KCTD2: variants seen among roughly 807,000 people sequenced by gnomAD.
The protein encoded by KCTD2 is BTB/POZ domain-containing protein KCTD2.
In KCTD2, 18 loss-of-function variants were observed where a neutral mutation model predicts 27.9. That is an observed-to-expected ratio of 0.64 (90% CI 0.45 to 0.96). KCTD2 has a LOEUF of 0.96. Among genes scored for constraint, KCTD2 ranks in the 40% least tolerant of loss-of-function variants. The pLI is 0.00. For missense variants in KCTD2, 280 were observed against 348.0 expected (o/e 0.80, Z 1.56); for synonymous variants, 175 against 148.4 (o/e 1.18, Z -1.30).
chr17:75,051,194 C>T (rs2073281335), intron 2 of KCTD2, among the ~76,000 whole-genome samples: 1 of 150,474 alleles, frequency 6.6e-6, no homozygotes, highest in African/African-American at 2.4e-5. Context: ...AGGATGGTCT[C>T]ATCTCGATCT....
At position 75,063,363 on chromosome 17, in the gene KCTD2, G is replaced by A; in HGVS notation, c.*316G>A. ...AGCCTTTCGGGGATCTGGGGGATGA[G>A]GGCGGAAGGCCTAGCTCCTTGGAAA... On this transcript the variant is annotated 3_prime_UTR_variant, in exon 6 of 6. Transcript: ENST00000322444. 1 of 405,690 alleles carries A rather than the reference G, an allele frequency of 2.5e-6. No homozygotes were observed. The highest frequency in any genetic ancestry group is 4.7e-5 in the East Asian group (1 of 21,118). The allele number at this position is 405,690 out of a possible 1,614,324, so 25.1% of individuals were successfully genotyped here. A position where few individuals can be genotyped will look rare whatever the true frequency, so the allele number is the denominator to read the frequency against.
intron 2 of KCTD2, among the ~76,000 whole-genome samples, chr17:75,034,725 A>G (rs376526597): frequency 6.6e-6 from 1 of 152,056 alleles, no homozygotes; most frequent in Non-Finnish European, 1.5e-5. Context: ...CCCGAGAAGA[A>G]GTGCTCGGCG....
At chr17:75,034,550 T>C (rs1205450503) in intron 2 of KCTD2, among the ~76,000 whole-genome samples, 2 of 152,076 alleles carry the variant, frequency 1.3e-5, no homozygotes, top group African/African-American at 2.4e-5. Context: ...TGTTCAACCA[T>C]AGTGCCCAAA....
chr17:75,049,815 G>A (rs915648298), intron 2 of KCTD2, among the ~76,000 whole-genome samples: 1 of 152,200 alleles, frequency 6.6e-6, no homozygotes, highest in Non-Finnish European at 1.5e-5. Flanking sequence ...TCATTCTCTA[G>A]TTCATTGTCA....
In KCTD2 at chr17:75,047,490, C is replaced by G. The variant is rs780075309; in HGVS notation, c.240C>G (p.Gly80=). The part of the protein sequence containing the change: ...AARWVRLNVG[G]TYFVTTRQTL... ...GCTGGGTCAGGCTGAACGTGGGAGG[C>G]ACCTACTTCGTGACCACCAGACAGA... Residue 80 remains glycine (G), a synonymous_variant, in exon 1 of 6, where the codon GGC becomes GGG. Transcript: ENST00000322444. 6.2e-7 allele frequency: 1 copy of G among 1,602,114 alleles called. No individual in the cohort carries two copies. The highest frequency in any genetic ancestry group is 1.8e-4 in the Middle Eastern group (1 of 5,626).
chr17:75,042,424 A>T, upstream of KCTD2: 1 of 1,523,612 alleles, frequency 6.6e-7, no homozygotes, highest in Non-Finnish European at 8.9e-7. Context: ...GGATTTCTTT[A>T]TATGTTGTCA....
chr17:75,051,406 T>C (rs1436763043), intron 2 of KCTD2, among the ~76,000 whole-genome samples: 2 of 147,116 alleles, frequency 1.4e-5, no homozygotes, highest in Non-Finnish European at 3.0e-5. Context: ...TGCCTCAGCC[T>C]CCTGAGTACC....
At chr17:75,035,175 C>T (rs1352381435) in intron 2 of KCTD2, 2 of 152,086 alleles carry the variant, frequency 1.3e-5, no homozygotes, top group African/African-American at 4.8e-5. Flanking sequence ...GTTCGAGTCC[C>T]TTCGTGGTCG....
intron 4 of KCTD2, among the ~76,000 whole-genome samples, chr17:75,061,398 A>G (rs1017396621): frequency 1.3e-5 from 2 of 152,182 alleles, no homozygotes; most frequent in Non-Finnish European, 2.9e-5. Context: ...TAATCTCGGC[A>G]CTTTGGGAGG....
At chr17:75,035,832 AAAACAAACAAAC>A (rs574227442) in intron 3 of KCTD2, among the ~76,000 whole-genome samples, 5 of 151,940 alleles carry the variant, frequency 3.3e-5, no homozygotes, top group Non-Finnish European at 7.4e-5. Context: ...AAGCCGTCTC[AAAACAAACAAAC>A]AAACAAACAA....
At chr17:75,054,826 AG>A (rs1227909809) in intron 3 of KCTD2, among the ~76,000 whole-genome samples, 1 of 151,812 alleles carries the variant, frequency 6.6e-6, no homozygotes, top group Non-Finnish European at 1.5e-5. Flanking sequence ...AAAAAAAAGA[AG>A]CTTGAAGTAT....
chr17:75,053,119 A>G lies in KCTD2; in HGVS notation c.540+14A>G. On this transcript the variant is annotated intron_variant, in intron 3 of 5. Transcript: ENST00000322444. ...AGAACTTCACAAGTAATGTATTTGGAACTGTTAAGGAGGGTTGTTTCAAGT... is the reference window on the plus strand; with the variant it reads ...AGAACTTCACAAGTAATGTATTTGGGACTGTTAAGGAGGGTTGTTTCAAGT... 1 of 1,599,428 alleles carries G rather than the reference A, an allele frequency of 6.3e-7. No homozygotes were observed. The highest frequency in any genetic ancestry group is 8.6e-7 in the Non-Finnish European group (1 of 1,166,812).
At chr17:75,044,543 C>T (rs919252982), upstream of KCTD2, among the ~76,000 whole-genome samples, 85 of 149,820 alleles carry the variant, frequency 5.7e-4, no homozygotes, top group African/African-American at 1.9e-3. Flanking sequence ...GGTTTCTCCA[C>T]GTTGGCCAGG....
intron 2 of KCTD2, 50 bp downstream of exon 2, chr17:75,049,378 T>C (rs1390494375): frequency 5.2e-6 from 6 of 1,163,310 alleles, no homozygotes; most frequent in Admixed American, 1.8e-5. Flanking sequence ...GTAGAATCTT[T>C]AAAGTTGTTT....
Position 75,064,870 on chromosome 17 carries a change from C to T in KCTD2, c.*1823C>T, listed in dbSNP as rs574892366. On this transcript the variant is annotated 3_prime_UTR_variant, in exon 6 of 6. Coordinates refer to ENST00000322444, the MANE Select transcript of KCTD2 (RefSeq NM_015353.3). ...AGGATGGAGGACTTTGGAAGAGGCG[C>T]TCCTTGGCCAGGTCCAATGAGTAAC... The T allele has an allele frequency of 1.3e-4, 20 of 152,330 alleles. No individual in the cohort carries two copies. Among genetic ancestry groups the T allele is most frequent in the Admixed American group, 7.8e-4 (12 of 15,290 alleles). 9.4% of individuals were successfully genotyped at this position (152,330 alleles called of 1,614,324 possible). A position where few individuals can be genotyped will look rare whatever the true frequency, so the allele number is the denominator to read the frequency against.
chr17:75,036,348 C>T (rs986131349), intron 3 of KCTD2, among the ~76,000 whole-genome samples: 2 of 152,010 alleles, frequency 1.3e-5, no homozygotes, highest in African/African-American at 4.8e-5. Flanking sequence ...GTCTCAATTT[C>T]CTGACCTAGT....
At chr17:75,047,103 C>G (rs534668825), upstream of KCTD2, 31 of 276,236 alleles carry the variant, frequency 1.1e-4, no homozygotes, top group East Asian at 1.7e-3. Flanking sequence ...GCGCCTCCCC[C>G]GCGCGGGTCC....
At chr17:75,054,809 C>CA (rs200278221) in intron 3 of KCTD2, among the ~76,000 whole-genome samples, 187 of 106,174 alleles carry the variant, frequency 1.8e-3, no homozygotes, top group Middle Eastern at 6.3e-3. Context: ...GACTCCATCT[C>CA]AAAAAAAAAA....
At chr17:75,035,762 G>C (rs959728814) in intron 3 of KCTD2, among the ~76,000 whole-genome samples, 2 of 152,162 alleles carry the variant, frequency 1.3e-5, no homozygotes, top group African/African-American at 4.8e-5. Context: ...GAATCCAGGA[G>C]GCCGAGGTTG....
Sources: gnomAD v4.1 joint callset for allele counts (sites outside exome capture counted in the v4.1 genomes callset) on GRCh38, gnomAD v4.1.1 for gene constraint, MANE v1.5 for transcripts, NCBI Gene and HGNC (gene_info 2026-07-23, HGNC 2026-07-21) for gene names.